Variants in IDH1 observed in about 807,000 individuals in gnomAD.
IDH1 encodes the protein isocitrate dehydrogenase (NADP(+)) 1, also known as isocitrate dehydrogenase [NADP] cytoplasmic.
IDH1 carries 33 observed loss-of-function variants against 46.1 expected under a neutral mutation model. The observed-to-expected ratio is 0.72, with a 90% CI of 0.54 to 0.96. IDH1 has a LOEUF of 0.96. Among genes scored for constraint, IDH1 ranks in the 40% least tolerant of loss-of-function variants. The pLI is 0.00. For missense variants in IDH1, 421 were observed against 515.7 expected (o/e 0.82, Z 1.78); for synonymous variants, 144 against 172.8 (o/e 0.83, Z 1.31).
chr2:208,251,253 C>CTT, intron 3 of IDH1, 177 bp downstream of exon 3: 1 of 437,950 alleles, frequency 2.3e-6, no homozygotes, highest in Non-Finnish European at 4.0e-6. Flanking sequence ...CCTTTTTTTT[C>CTT]CTTTTTTTTT....
intron 9 of IDH1, among the ~76,000 whole-genome samples, chr2:208,238,271 G>A (rs1219661849): frequency 3.3e-5 from 5 of 151,992 alleles, no homozygotes; most frequent in Admixed American, 3.3e-4. Context: ...TCCTGACCTC[G>A]TGATCCACCC....
intron 2 of IDH1, among the ~76,000 whole-genome samples, chr2:208,253,098 A>G (rs978844065): frequency 6.6e-6 from 1 of 152,232 alleles, no homozygotes; most frequent in Non-Finnish European, 1.5e-5. Context: ...CCTATATAGT[A>G]TGATGCAACA....
At chr2:208,248,047 C>T (rs778569758) in intron 4 of IDH1, 4 of 352,552 alleles carry the variant, frequency 1.1e-5, no homozygotes, top group African/African-American at 2.1e-5. Flanking sequence ...TTGAAAACCA[C>T]AGATCTGGTT....
rs2124857326 is a variant in IDH1 at position 208,245,353 on chromosome 2, G to T, written c.486C>A (p.Thr162=). The change falls in exon 5 of 10, where the codon ACC becomes ACA. Residue 162 remains threonine (T), a synonymous_variant. Transcript: ENST00000345146. ...TATGTACCAGGTATGTCACCTTTTGGGTTCCGTCACTTGGTGTGTAGGTTA... is the reference window on the plus strand; with the variant it reads ...TATGTACCAGGTATGTCACCTTTTGTGTTCCGTCACTTGGTGTGTAGGTTA... ...VEITYTPSDG[T]QKVTYLVHNF... 1 of 1,610,152 alleles carries T rather than the reference G, an allele frequency of 6.2e-7. No individual in the cohort carries two copies. The highest frequency in any genetic ancestry group is 8.5e-7 in the Non-Finnish European group (1 of 1,177,300).
chr2:208,253,483 G>A (rs1264184371), intron 2 of IDH1, among the ~76,000 whole-genome samples: 1 of 152,160 alleles, frequency 6.6e-6, no homozygotes, highest in Non-Finnish European at 1.5e-5. Flanking sequence ...CCCAACTTCA[G>A]AAGGAAGGGC....
At chr2:208,248,681 A>C in intron 3 of IDH1, 21 bp from the exon 4 acceptor site, 6 of 1,611,142 alleles carry the variant, frequency 3.7e-6, no homozygotes, top group Non-Finnish European at 5.1e-6. Flanking sequence ...AAAAATTAGA[A>C]GCAAAGTTTT....
At chr2:208,238,330 C>T (rs906789191) in intron 9 of IDH1, among the ~76,000 whole-genome samples, 4 of 152,064 alleles carry the variant, frequency 2.6e-5, no homozygotes, top group Non-Finnish European at 4.4e-5. Flanking sequence ...CCACAGCACC[C>T]AGCGAACACT....
intron 8 of IDH1, 92 bp downstream of exon 8, chr2:208,239,771 T>C (rs1163418650): frequency 8.1e-7 from 1 of 1,236,458 alleles, no homozygotes; most frequent in Non-Finnish European, 1.2e-6. Flanking sequence ...GGTGATGACT[T>C]TGCACACAAA....
intron 7 of IDH1, among the ~76,000 whole-genome samples, chr2:208,240,842 T>G (rs77019880): frequency 0.013 from 1,946 of 152,292 alleles, 37 homozygotes; most frequent in African/African-American, 0.045. Flanking sequence ...ATTGTGAGGA[T>G]GTAGAGAAAC....
intron 3 of IDH1, among the ~76,000 whole-genome samples, chr2:208,250,081 AT>A (rs1215174505): frequency 6.6e-6 from 1 of 152,142 alleles, no homozygotes; most frequent in African/African-American, 2.4e-5. Context: ...AATAATAGGA[AT>A]TTTGGAAAAA....
intron 6 of IDH1, among the ~76,000 whole-genome samples, chr2:208,242,921 C>T (rs896828701): frequency 5.3e-5 from 8 of 152,194 alleles, no homozygotes; most frequent in South Asian, 2.1e-4. Flanking sequence ...CCCGCCACCA[C>T]GCCCGGCTAA....
In IDH1 at chr2:208,245,383, T is replaced by C. The variant is rs145324788; in HGVS notation, c.456A>G (p.Val152=). Residue 152 remains valine (V), a synonymous_variant, in exon 5 of 10, where the codon GTA becomes GTG. Transcript: ENST00000345146. The stretch of plus-strand genomic sequence containing the variant: ...CGTCACTTGGTGTGTAGGTTATCTC[T>C]ACTTTTCCAGGCCCAGGAACAACAA... ...TDFVVPGPGK[V]EITYTPSDGT... is the part of the protein sequence containing the mutation. The C allele has an allele frequency of 7.3e-4, 1,178 of 1,612,300 alleles. 2 individuals carry two copies. Among genetic ancestry groups the C allele is most frequent in the Non-Finnish European group, 9.3e-4 (1,096 of 1,178,850 alleles).
Position 208,248,396 on chromosome 2 carries a change from G to C in IDH1, c.387C>G (p.Ile129Met), listed in dbSNP as rs1341118194. 5 of 1,613,744 alleles carry C rather than the reference G, an allele frequency of 3.1e-6. No individual in the cohort carries two copies. The highest frequency in any genetic ancestry group is 3.3e-5 in the Admixed American group (2 of 59,992). Residue 129 changes from isoleucine (I) to methionine (M), a missense_variant, in exon 4 of 10, where the codon ATC becomes ATG. Ile to Met is a conservative substitution (Grantham distance 10). Transcript: ENST00000345146. Reference sequence around the variant, plus strand: ...GATCCCCATAAGCATGACGACCTATGATGATAGGTTTTACCCATCCACTCA... The same window carrying C: ...GATCCCCATAAGCATGACGACCTATCATGATAGGTTTTACCCATCCACTCA... Reference protein sequence around the residue: ...RLVSGWVKPIIIGRHAYGDQY... With the variant: ...RLVSGWVKPIMIGRHAYGDQY...
At position 208,239,874 on chromosome 2, in the gene IDH1, G is replaced by A. The variant is rs767109945; in HGVS notation, c.980C>T (p.Thr327Ile). 9 of 1,614,044 alleles carry A rather than the reference G, an allele frequency of 5.6e-6. No homozygotes were observed. In the Admixed American group the frequency reaches 8.3e-5, roughly 15 times the overall value. ...RMYQKGQETSTNPIASIFAWT... is the reference protein window; with the variant it reads ...RMYQKGQETSINPIASIFAWT... Reference sequence around the variant, plus strand: ...AAACACCATCTTACCAATGGGATTGGTGGACGTCTCCTGTCCTTTCTGGTA... The same window carrying A: ...AAACACCATCTTACCAATGGGATTGATGGACGTCTCCTGTCCTTTCTGGTA... Residue 327 changes from threonine (T) to isoleucine (I), a missense_variant, in exon 8 of 10, where the codon ACC becomes ATC. Coordinates refer to ENST00000345146, the MANE Select transcript of IDH1 (RefSeq NM_005896.4).
rs1687823551 is a variant in IDH1, at chr2:208,237,052, A to G, written c.*27T>C. ...CTGTAGACCTAGTTACCAAAAGACA[A>G]TTATCCTTCTTAGCTCAGGTATGAA... On this transcript the variant is annotated 3_prime_UTR_variant, in exon 10 of 10. Coordinates refer to ENST00000345146, the MANE Select transcript of IDH1 (RefSeq NM_005896.4). 2 of 1,314,394 alleles carry G rather than the reference A, an allele frequency of 1.5e-6. No homozygotes were observed. The highest frequency in any genetic ancestry group is 4.6e-5 in the East Asian group (2 of 43,156). The allele number at this position is 1,314,394 out of a possible 1,614,324, so 81.4% of individuals were successfully genotyped here.
chr2:208,242,159 G>A lies in IDH1; in HGVS notation c.699-14C>T, dbSNP rs780738017. 6 of 1,612,396 alleles carry A rather than the reference G, an allele frequency of 3.7e-6. No individual in the cohort carries two copies. The highest frequency in any genetic ancestry group is 5.1e-6 in the Non-Finnish European group (6 of 1,178,710). On this transcript the variant is annotated splice_polypyrimidine_tract_variant and intron_variant, in intron 6 of 9. Transcript: ENST00000345146. ...GACTTGTACTGCCTGGGAAACAAAA[G>A]GTAAAAGAGAATAATAATAAAGAAA...
At chr2:208,246,293 A>G (rs73983719) in intron 4 of IDH1, among the ~76,000 whole-genome samples, 129 of 152,330 alleles carry the variant, frequency 8.5e-4, no homozygotes, top group African/African-American at 3.0e-3. Flanking sequence ...AATGAATTGA[A>G]TCAGATACTT....
rs182374552 is a variant in IDH1, at chr2:208,242,194, G to T, written c.699-49C>A. 6 of 1,554,658 alleles carry T rather than the reference G, an allele frequency of 3.9e-6. No homozygotes were observed. In the South Asian group the frequency reaches 5.6e-5, roughly 14 times the overall value. ...AATAATAATAAAGAAAATTGATTTT[G>T]TTAGGGATATCATCTGCTTGTCCCA... is the stretch of plus-strand genomic sequence containing the variant. On this transcript the variant is annotated intron_variant, in intron 6 of 9. Coordinates refer to ENST00000345146, the MANE Select transcript of IDH1 (RefSeq NM_005896.4).
chr2:208,252,934 T>G (rs994786494), intron 2 of IDH1, among the ~76,000 whole-genome samples: 1 of 152,210 alleles, frequency 6.6e-6, no homozygotes, highest in African/African-American at 2.4e-5. Context: ...TACTTCCCAT[T>G]TGTAATGTCA....
Sources: allele counts gnomAD v4.1 joint callset (sites outside exome capture counted in the v4.1 genomes callset), GRCh38; gene constraint gnomAD v4.1.1; transcripts MANE v1.5; gene names NCBI Gene and HGNC (gene_info 2026-07-23, HGNC 2026-07-21).